The following TMEM50B variants were observed in gnomAD, a reference collection of about 807,000 sequenced individuals.
TMEM50B encodes HCV p7-trans-regulated protein 3.
A neutral mutation model predicts 23.4 loss-of-function variants in TMEM50B; 14 were observed. That is an observed-to-expected ratio of 0.60 (90% CI 0.39 to 0.93). The LOEUF (loss-of-function observed/expected upper bound fraction) is 0.93. TMEM50B is among the 40% of genes least tolerant of loss of function. TMEM50B has a pLI of 0.00. For synonymous variants in TMEM50B, 64 were observed against 62.3 expected (o/e 1.03, Z -0.13); for missense variants, 159 against 193.0 (o/e 0.82, Z 1.04).
At chr21:33,444,803 CAAA>C (rs60816843), downstream of TMEM50B, among the ~76,000 whole-genome samples, 8 of 96,328 alleles carry the variant, frequency 8.3e-5, no homozygotes, top group South Asian at 1.1e-3. Flanking sequence ...CATCTCTTTA[CAAA>C]AAAAAAAAAA....
In TMEM50B at chr21:33,472,412, G is replaced by A. The variant is rs1033385952; in HGVS notation, c.-41-3486C>T. Among the ~76,000 whole-genome samples, 20 of 152,064 alleles carry A rather than the reference G, an allele frequency of 1.3e-4. No individual in the cohort carries two copies. The Middle Eastern group carries it at 0.01, about 78-fold the overall frequency. On this transcript the variant is annotated intron_variant, in intron 1 of 6. Coordinates refer to ENST00000542230, the MANE Select transcript of TMEM50B (RefSeq NM_006134.7). ...TAAATAAATAAATAATTAACTAAAT[G>A]AACTTAATCGCAGATTAGATACAGT...
chr21:33,442,095 G>A (rs1317101049), intron 7 of TMEM50B, among the ~76,000 whole-genome samples: 1 of 152,014 alleles, frequency 6.6e-6, no homozygotes, highest in Non-Finnish European at 1.5e-5. Context: ...TCTCTGAGGC[G>A]CCCAGAGCCC....
At chr21:33,470,575 C>CAA (rs879497786) in intron 1 of TMEM50B, among the ~76,000 whole-genome samples, 1 of 139,600 alleles carries the variant, frequency 7.2e-6, no homozygotes, top group African/African-American at 2.6e-5. Flanking sequence ...ACTAAAAATA[C>CAA]AAAAAAAAAA....
chr21:33,463,099 C>G (rs1429384788), intron 4 of TMEM50B, among the ~76,000 whole-genome samples: 1 of 152,084 alleles, frequency 6.6e-6, no homozygotes, highest in Non-Finnish European at 1.5e-5. Context: ...TGAGAACAGC[C>G]TGGCCAACAT....
At chr21:33,462,141 C>T (rs953646305) in intron 4 of TMEM50B, among the ~76,000 whole-genome samples, 3 of 152,128 alleles carry the variant, frequency 2.0e-5, no homozygotes, top group South Asian at 2.1e-4. Context: ...TATTATTTAG[C>T]TGTTTCATTT....
chr21:33,474,664 A>G (rs12482186), intron 1 of TMEM50B, among the ~76,000 whole-genome samples: 3,350 of 138,912 alleles, frequency 0.024, 54 homozygotes, highest in Non-Finnish European at 0.027. Context: ...AATCCCACCT[A>G]TTCAGGAGGC....
intron 1 of TMEM50B, among the ~76,000 whole-genome samples, chr21:33,470,556 C>A (rs2084305167): frequency 6.6e-6 from 1 of 151,464 alleles, no homozygotes; most frequent in South Asian, 2.1e-4. Flanking sequence ...ATGGTGAAAC[C>A]CCGTCTGTAC....
At chr21:33,453,262 G>A (rs1308131210) in intron 6 of TMEM50B, among the ~76,000 whole-genome samples, 3 of 152,020 alleles carry the variant, frequency 2.0e-5, no homozygotes, top group African/African-American at 4.8e-5. Context: ...GCTAATGTCT[G>A]TATTTTTAGT....
intron 4 of TMEM50B, among the ~76,000 whole-genome samples, chr21:33,462,030 T>C (rs1376657059): frequency 6.6e-6 from 1 of 152,138 alleles, no homozygotes; most frequent in African/African-American, 2.4e-5. Flanking sequence ...ACAAGGAAGC[T>C]CTGAGTTAAG....
intron 8 of TMEM50B, among the ~76,000 whole-genome samples, chr21:33,438,813 T>C (rs2083982480): frequency 6.6e-6 from 1 of 150,784 alleles, no homozygotes; most frequent in African/African-American, 2.4e-5. Flanking sequence ...CGCTGCAACC[T>C]CCACCTCCCA....
downstream of TMEM50B, chr21:33,447,237 C>G (rs1168391526): frequency 6.6e-6 from 1 of 151,828 alleles, no homozygotes; most frequent in South Asian, 2.1e-4. Context: ...ACACACACAC[C>G]TTTTCTCAGG....
At chr21:33,468,594 T>A in intron 2 of TMEM50B, 193 bp downstream of exon 2, 1 of 512,070 alleles carries the variant, frequency 2.0e-6, no homozygotes, top group South Asian at 3.5e-5. Context: ...AGTACACATT[T>A]ACAAAGTCAA....
intron 8 of TMEM50B, among the ~76,000 whole-genome samples, chr21:33,435,747 G>A (rs2083939847): frequency 6.6e-6 from 1 of 151,976 alleles, no homozygotes; most frequent in Non-Finnish European, 1.5e-5. Flanking sequence ...CCCAGGCATG[G>A]TGGCATGCGC....
In TMEM50B at chr21:33,467,077, G is replaced by C; in HGVS notation, c.145C>G (p.Pro49Ala). Residue 49 changes from proline (P) to alanine (A), a missense_variant, in exon 3 of 7, where the codon CCT (proline) becomes GCT (alanine). Physicochemically the swap from Pro to Ala is conservative, Grantham distance 27. Transcript: ENST00000542230. ...WIMIDAAVVY[P>A]KPEQLNHAFH... ...GCATGGTTCAACTGTTCTGGCTTAG[G>C]ATACACCACAGCTGCATCAATCATT... 6.2e-7 allele frequency: 1 copy of C among 1,614,168 alleles called. No individual in the cohort carries two copies. Among genetic ancestry groups the C allele is most frequent in the Non-Finnish European group, 8.5e-7 (1 of 1,180,028 alleles).
Position 33,450,892 on chromosome 21 carries a change from G to GA in TMEM50B, c.432-30dup, listed in dbSNP as rs766488350. On this transcript the variant is annotated intron_variant, in intron 6 of 6. Coordinates refer to ENST00000542230, the MANE Select transcript of TMEM50B (RefSeq NM_006134.7). ...GAAAGATAGGAAAACAAATCATGAG[G>GA]AAAAAACCGATGGAACAAGCAACAC... 1.9e-5 allele frequency: 30 copies of GA among 1,594,010 alleles called. 1 individual carries two copies. The Admixed American group carries it at 2.4e-4, about 13-fold the overall frequency.
At chr21:33,448,310 A>T (rs573578831), downstream of TMEM50B, among the ~76,000 whole-genome samples, 1 of 151,958 alleles carries the variant, frequency 6.6e-6, no homozygotes, top group African/African-American at 2.4e-5. Context: ...CTCTTTTTTT[A>T]AAATGAAGAA....
chr21:33,478,690 A>T, intron 1 of TMEM50B: 1 of 453,726 alleles, frequency 2.2e-6, no homozygotes, highest in South Asian at 1.6e-5. Flanking sequence ...CAGCGCGATA[A>T]ATATTCAAGA....
intron 8 of TMEM50B, among the ~76,000 whole-genome samples, chr21:33,439,037 A>G (rs1429916969): frequency 1.3e-5 from 2 of 152,070 alleles, no homozygotes; most frequent in Non-Finnish European, 2.9e-5. Flanking sequence ...AAAAGTGGCT[A>G]ACTCTCTTAA....
rs1482340142 is a variant in TMEM50B at position 33,467,083 on chromosome 21, C to A, written c.139G>T (p.Val47Leu). ...TTCAACTGTTCTGGCTTAGGATACACCACAGCTGCATCAATCATTATCCAC... is the reference window on the plus strand; with the variant it reads ...TTCAACTGTTCTGGCTTAGGATACAACACAGCTGCATCAATCATTATCCAC... ...GWWIMIDAAV[V>L]YPKPEQLNHA... The change falls in exon 3 of 7, where the codon GTG (valine) becomes TTG (leucine). Residue 47 changes from valine (V) to leucine (L), a missense_variant. Val to Leu is a conservative substitution (Grantham distance 32). Coordinates refer to ENST00000542230, the MANE Select transcript of TMEM50B (RefSeq NM_006134.7). The A allele has an allele frequency of 3.7e-6, 6 of 1,614,196 alleles. No homozygotes were observed. The highest frequency in any genetic ancestry group is 5.1e-6 in the Non-Finnish European group (6 of 1,180,034).
Sources: allele counts gnomAD v4.1 joint callset (sites outside exome capture counted in the v4.1 genomes callset), GRCh38; gene constraint gnomAD v4.1.1; transcripts MANE v1.5; gene names NCBI Gene and HGNC (gene_info 2026-07-23, HGNC 2026-07-21).